The following LDLRAD4 variants were observed in gnomAD, a reference collection of about 807,000 sequenced individuals.
LDLRAD4 encodes low density lipoprotein receptor class A domain containing 4, also known as low-density lipoprotein receptor class A domain-containing protein 4.
LDLRAD4 carries 5 observed loss-of-function variants against 17.0 expected under a neutral mutation model. That is an observed-to-expected ratio of 0.29 (90% CI 0.15 to 0.62). The LOEUF (loss-of-function observed/expected upper bound fraction) is 0.62, where lower values mean the gene tolerates loss of function less well. Among genes scored for constraint, LDLRAD4 ranks in the 20% least tolerant of loss-of-function variants. The pLI, the probability that LDLRAD4 is intolerant of heterozygous loss-of-function variation, is 0.84. For synonymous variants in LDLRAD4, 168 were observed against 171.8 expected (o/e 0.98, Z 0.17); for missense variants, 340 against 424.7 (o/e 0.80, Z 1.75).
chr18:13,351,958 C>G (rs1008495052), intron 1 of LDLRAD4, among the ~76,000 whole-genome samples: 1 of 152,182 alleles, frequency 6.6e-6, no homozygotes, highest in Non-Finnish European at 1.5e-5. Context: ...GGTGGTTCAA[C>G]ATATGCAAAT....
At chr18:13,314,176 C>T (rs369561890) in intron 1 of LDLRAD4, among the ~76,000 whole-genome samples, 85 of 152,142 alleles carry the variant, frequency 5.6e-4, no homozygotes, top group African/African-American at 1.8e-3. Flanking sequence ...TAACTTAGTA[C>T]GATTTATGGT....
intron 1 of LDLRAD4, among the ~76,000 whole-genome samples, chr18:13,384,053 T>C (rs2085598901): frequency 6.6e-6 from 1 of 152,168 alleles, no homozygotes; most frequent in African/African-American, 2.4e-5. Flanking sequence ...CACACATCAC[T>C]GTCCTAAAAA....
At chr18:13,396,885 C>G (rs558209391) in intron 2 of LDLRAD4, among the ~76,000 whole-genome samples, 2 of 152,174 alleles carry the variant, frequency 1.3e-5, no homozygotes, top group African/African-American at 4.8e-5. Flanking sequence ...AGAGGGCTGA[C>G]GGTACAGCTG....
rs899309637 is a variant in LDLRAD4 at position 13,421,014 on chromosome 18, A to G, written c.41-17230A>G. 4 of 152,316 alleles carry G rather than the reference A, an allele frequency of 2.6e-5. No homozygotes were observed. In the East Asian group the frequency reaches 7.7e-4, roughly 29 times the overall value. 9.4% of individuals were successfully genotyped at this position (152,316 alleles called of 1,614,324 possible). Reference sequence around the variant, plus strand: ...TCTAAGTCTCCTTTTTGTACAGAGAAAGGCACGCCAGGGACGCTGAGCAAA... The same window carrying G: ...TCTAAGTCTCCTTTTTGTACAGAGAGAGGCACGCCAGGGACGCTGAGCAAA... On this transcript the variant is annotated intron_variant, in intron 2 of 5. Transcript: ENST00000359446.
chr18:13,634,881 A>AATAT (rs1568435732), intron 4 of LDLRAD4, among the ~76,000 whole-genome samples: 1 of 152,182 alleles, frequency 6.6e-6, no homozygotes, highest in East Asian at 1.9e-4. Context: ...GATATAGACA[A>AATAT]ATATATAGAC....
At chr18:13,591,080 C>G (rs535058787) in intron 3 of LDLRAD4, among the ~76,000 whole-genome samples, 16 of 152,226 alleles carry the variant, frequency 1.1e-4, no homozygotes, top group African/African-American at 3.9e-4. Context: ...GTTTTATTGT[C>G]CTTGAACAAT....
Position 13,621,034 on chromosome 18 carries a change from A to T in LDLRAD4, c.182-83A>T. ...GTGTGTGAGAGGCCTTCAGGGCCTG[A>T]TGGCTGGGGTGGTGACAGTGCCTGG... is the stretch of plus-strand genomic sequence containing the variant. On this transcript the variant is annotated intron_variant, in intron 3 of 5. Transcript: ENST00000359446. The surrounding 1 kb of genome is among the most constrained non-coding windows in gnomAD (Gnocchi z 5.5). 3 of 1,601,388 alleles carry T rather than the reference A, an allele frequency of 1.9e-6. No homozygotes were observed. The highest frequency in any genetic ancestry group is 2.6e-6 in the Non-Finnish European group (3 of 1,171,354).
intron 3 of LDLRAD4, among the ~76,000 whole-genome samples, chr18:13,553,423 C>G (rs1331214477): frequency 1.3e-5 from 2 of 152,118 alleles, no homozygotes; most frequent in Non-Finnish European, 2.9e-5. Flanking sequence ...GAATGGTGTT[C>G]TTAAAATATG....
chr18:13,222,632 G>C (rs1007864197), intron 1 of LDLRAD4, among the ~76,000 whole-genome samples: 3 of 152,258 alleles, frequency 2.0e-5, no homozygotes, highest in Non-Finnish European at 2.9e-5. Context: ...GCCTCTGCCT[G>C]CCGCCTAGAA....
At chr18:13,567,636 T>C (rs1601438821) in intron 3 of LDLRAD4, among the ~76,000 whole-genome samples, 1 of 152,264 alleles carries the variant, frequency 6.6e-6, no homozygotes, top group Non-Finnish European at 1.5e-5. Context: ...CTCTTTCCCC[T>C]GAATGCAAAT....
At chr18:13,446,772 C>CGCCAAGAG (rs2091437197) in intron 3 of LDLRAD4, among the ~76,000 whole-genome samples, 1 of 152,234 alleles carries the variant, frequency 6.6e-6, no homozygotes, top group African/African-American at 2.4e-5. Context: ...CTGCTGCGGG[C>CGCCAAGAG]GCCAAGAGCC....
chr18:13,242,592 A>G (rs1378349070), intron 1 of LDLRAD4, among the ~76,000 whole-genome samples: 1 of 152,208 alleles, frequency 6.6e-6, no homozygotes. Flanking sequence ...AATAAGAACT[A>G]AATGCAAATG....
At chr18:13,467,319 A>C (rs562960221) in intron 3 of LDLRAD4, among the ~76,000 whole-genome samples, 14 of 152,272 alleles carry the variant, frequency 9.2e-5, no homozygotes, top group Non-Finnish European at 1.8e-4. Context: ...CAACATCAAC[A>C]TGCAAAAATC....
chr18:13,364,130 A>G (rs1003299599), intron 1 of LDLRAD4, among the ~76,000 whole-genome samples: 2 of 152,230 alleles, frequency 1.3e-5, no homozygotes, highest in African/African-American at 4.8e-5. Flanking sequence ...TATCTGTAAC[A>G]TGATACCGTT....
chr18:13,536,526 G>C (rs763045210), intron 3 of LDLRAD4, among the ~76,000 whole-genome samples: 1 of 151,694 alleles, frequency 6.6e-6, no homozygotes, highest in Non-Finnish European at 1.5e-5. Flanking sequence ...GTATTCTCTA[G>C]ACTTTTCTTG....
rs753236008 is a variant in LDLRAD4 at position 13,645,170 on chromosome 18, C to G, written c.434C>G (p.Ser145Cys). 1.9e-6 allele frequency: 3 copies of G among 1,614,026 alleles called. No homozygotes were observed. The highest frequency in any genetic ancestry group is 3.3e-5 in the Admixed American group (2 of 60,008). The change falls in exon 6 of 6, where the codon TCC becomes TGC. Residue 145 changes from serine to cysteine, a missense_variant. Transcript: ENST00000359446. This position sits in a 1 kb window ranked among gnomAD's most constrained non-coding sequence, Gnocchi z 5.7. ...TCCAGGGACAGGTTCACAGCGCCGT[C>G]CTTCATCCAGAGGGATCGCTTCAGC...
chr18:13,348,179 T>G (rs1402416310), intron 1 of LDLRAD4, among the ~76,000 whole-genome samples: 1 of 152,198 alleles, frequency 6.6e-6, no homozygotes, highest in South Asian at 2.1e-4. Context: ...TTTTCTGCTC[T>G]GTTTTTTCCC....
chr18:13,273,736 G>A (rs983613468), upstream of LDLRAD4, among the ~76,000 whole-genome samples: 1 of 152,196 alleles, frequency 6.6e-6, no homozygotes, highest in African/African-American at 2.4e-5. Context: ...ACCTTAGAGA[G>A]TGAGAACACC....
chr18:13,567,131 G>T (rs1218040625), intron 3 of LDLRAD4, among the ~76,000 whole-genome samples: 1 of 152,176 alleles, frequency 6.6e-6, no homozygotes, highest in Non-Finnish European at 1.5e-5. Context: ...GCTCTGGTTT[G>T]CCTTGGTCAA....
Sources: gnomAD v4.1 joint callset for allele counts (sites outside exome capture counted in the v4.1 genomes callset) on GRCh38, gnomAD v4.1.1 for gene constraint, Gnocchi (gnomAD v3.1) non-coding constraint, MANE v1.5 for transcripts, NCBI Gene and HGNC (gene_info 2026-07-23, HGNC 2026-07-21) for gene names.